The following DMD variants were observed in gnomAD, a reference collection of about 807,000 sequenced individuals.
DMD encodes mutant dystrophin.
A neutral mutation model predicts 330.1 loss-of-function variants in DMD; 63 were observed. The ratio of observed to expected loss-of-function variants is 0.19; its 90% CI spans 0.16 to 0.24. DMD has a LOEUF of 0.24. Among genes scored for constraint, DMD ranks in the 10% least tolerant of loss-of-function variants. The pLI, the probability that DMD is intolerant of heterozygous loss-of-function variation, is 1.00. For missense variants in DMD, 3,344 were observed against 2,684.1 expected (o/e 1.25, Z -5.43); for synonymous variants, 1,223 against 959.8 (o/e 1.27, Z -5.07).
At chrX:31,549,387 T>C (rs2074344401) in intron 55 of DMD, among the ~76,000 whole-genome samples, 1 of 111,498 alleles carries the variant, frequency 9.0e-6, no homozygotes, top group African/African-American at 3.3e-5. Flanking sequence ...GCAAAGTTAT[T>C]TTTGCTTTGA....
At chrX:32,292,824 C>G (rs1175389545) in intron 42 of DMD, among the ~76,000 whole-genome samples, 2 of 112,063 alleles carry the variant, frequency 1.8e-5, no homozygotes. Context: ...AAGAACTAAG[C>G]TGAAGAGGCA....
chrX:32,850,878 C>G (rs2081084879), intron 2 of DMD, among the ~76,000 whole-genome samples: 1 of 111,483 alleles, frequency 9.0e-6, no homozygotes, highest in Non-Finnish European at 1.9e-5. Flanking sequence ...GAATCATATG[C>G]TAGTACATCA....
At chrX:31,397,332 T>C (rs16998181) in intron 60 of DMD, among the ~76,000 whole-genome samples, 15,519 of 111,422 alleles carry the variant, frequency 0.14, 1,125 homozygotes, top group African/African-American at 0.28. Context: ...ATGTGTACTT[T>C]TGCCCTTTGT....
chrX:33,021,468 A>G (rs1261680352), intron 1 of DMD, among the ~76,000 whole-genome samples: 1 of 111,861 alleles, frequency 8.9e-6, no homozygotes, highest in Non-Finnish European at 1.9e-5. Flanking sequence ...TATTTTATCT[A>G]CTTGGATTAA....
intron 2 of DMD, among the ~76,000 whole-genome samples, chrX:33,015,579 G>C (rs2093786339): frequency 1.8e-5 from 2 of 110,080 alleles, no homozygotes; most frequent in African/African-American, 6.6e-5. Flanking sequence ...CCTAATATCT[G>C]GGTGATGAAA....
intron 23 of DMD, 112 bp downstream of exon 23, chrX:32,468,386 C>A: frequency 1.5e-6 from 1 of 677,353 alleles, no homozygotes; most frequent in Non-Finnish European, 2.3e-6. Context: ...TTCTCACTAA[C>A]TTTGAAAGAT....
At chrX:32,008,631 C>T (rs866759737) in intron 44 of DMD, among the ~76,000 whole-genome samples, 1 of 51,873 alleles carries the variant, frequency 1.9e-5, no homozygotes, top group African/African-American at 3.9e-5. Flanking sequence ...GGTAGAAAAA[C>T]ATTTTTTAAA....
chrX:31,756,803 T>C (rs1319706704), intron 51 of DMD, among the ~76,000 whole-genome samples: 1 of 112,401 alleles, frequency 8.9e-6, no homozygotes, highest in Non-Finnish European at 1.9e-5. Context: ...CCAAACACTG[T>C]ATGTTTAAAT....
At chrX:32,232,323 A>T (rs377398565) in intron 43 of DMD, among the ~76,000 whole-genome samples, 2 of 111,785 alleles carry the variant, frequency 1.8e-5, no homozygotes, top group African/African-American at 6.5e-5. Context: ...AAATTTGTTA[A>T]ATCAATTAAA....
At chrX:32,887,271 C>T (rs777999592) in intron 2 of DMD, among the ~76,000 whole-genome samples, 2 of 109,747 alleles carry the variant, frequency 1.8e-5, no homozygotes, top group South Asian at 4.0e-4. Flanking sequence ...GGTGTGAACC[C>T]GGGAGGCGGA....
chrX:32,411,085 A>T (rs764861760), intron 30 of DMD, among the ~76,000 whole-genome samples: 1 of 111,895 alleles, frequency 8.9e-6, no homozygotes, highest in Non-Finnish European at 1.9e-5. Context: ...CGAGGAGTTT[A>T]TAATAAAATG....
Position 33,237,151 on chromosome X carries a change from C to T in DMD, c.7+102108G>A, listed in dbSNP as rs181687436. Among the ~76,000 whole-genome samples the T allele has an allele frequency of 8.5e-4, 92 of 108,138 alleles. 1 individual carries two copies. The highest frequency in any genetic ancestry group is 3.0e-3 in the African/African-American group (90 of 29,743). 93.9% of individuals were successfully genotyped at this position (108,138 alleles called of 115,157 possible). On this transcript the variant is annotated intron_variant, in intron 1 of 17. Coordinates refer to the DMD transcript ENST00000288447. ...AGGTTTCCAAATAATATAAAACGCA[C>T]GCCATTGGTTTCCTCCCTCCCTCCC...
chrX:31,776,476 C>CA (rs2090664634), intron 50 of DMD, among the ~76,000 whole-genome samples: 1 of 105,934 alleles, frequency 9.4e-6, no homozygotes, highest in Non-Finnish European at 1.9e-5. Flanking sequence ...CACTAAATTT[C>CA]AATAAAGTGA....
At chrX:32,093,961 G>C (rs1346933506) in intron 44 of DMD, among the ~76,000 whole-genome samples, 2 of 110,483 alleles carry the variant, frequency 1.8e-5, no homozygotes, top group African/African-American at 3.3e-5. Flanking sequence ...ATATCAATGA[G>C]GTTACGGAGA....
intron 54 of DMD, among the ~76,000 whole-genome samples, chrX:31,643,203 T>C (rs1006312971): frequency 8.9e-6 from 1 of 112,019 alleles, no homozygotes; most frequent in Non-Finnish European, 1.9e-5. Flanking sequence ...TGATAAACTA[T>C]ATATGCTTTC....
At position 32,308,920 on chromosome X, in the gene DMD, T is replaced by C. The variant is rs767120154; in HGVS notation, c.6117+1162A>G. 4.5e-5 allele frequency among the ~76,000 whole-genome samples: 5 copies of C among 111,306 alleles called. No individual in the cohort carries two copies. In the East Asian group the frequency reaches 1.4e-3, roughly 32 times the overall value. On this transcript the variant is annotated intron_variant, in intron 42 of 78. Coordinates refer to ENST00000357033, the MANE Select transcript of DMD (RefSeq NM_004006.3). ...TATGCTGCCATGAGAACTTAGTTAA[T>C]AGAAATAATGACAGGAATTCTGGCA...
chrX:32,853,249 G>A (rs1194591607), intron 2 of DMD, among the ~76,000 whole-genome samples: 1 of 111,785 alleles, frequency 8.9e-6, no homozygotes, highest in Non-Finnish European at 1.9e-5. Flanking sequence ...ACCTTAACTA[G>A]CCAGAAAAAC....
At chrX:32,590,392 T>C (rs1186698760) in intron 13 of DMD, among the ~76,000 whole-genome samples, 1 of 111,337 alleles carries the variant, frequency 9.0e-6, no homozygotes, top group African/African-American at 3.3e-5. Flanking sequence ...CTTCATGGAA[T>C]TGAGGGATGC....
At chrX:32,565,490 T>C (rs1419841123) in intron 16 of DMD, among the ~76,000 whole-genome samples, 3 of 111,438 alleles carry the variant, frequency 2.7e-5, no homozygotes, top group African/African-American at 9.8e-5. Context: ...AGAAATTCAC[T>C]CTAGGGCAGT....
Sources: allele counts gnomAD v4.1 joint callset (sites outside exome capture counted in the v4.1 genomes callset), GRCh38; gene constraint gnomAD v4.1.1; transcripts MANE v1.5; gene names NCBI Gene and HGNC (gene_info 2026-07-23, HGNC 2026-07-21).